Variants in KITLG observed in about 807,000 individuals in gnomAD.
The protein encoded by KITLG is c-Kit ligand.
Under a neutral mutation model 34.1 loss-of-function variants are expected in KITLG, and 13 were observed. The ratio of observed to expected loss-of-function variants is 0.38; its 90% CI spans 0.25 to 0.61. The LOEUF (loss-of-function observed/expected upper bound fraction) is 0.61, where lower values mean the gene tolerates loss of function less well. Among genes scored for constraint, KITLG ranks in the 20% least tolerant of loss-of-function variants. The pLI, the probability that KITLG is intolerant of heterozygous loss-of-function variation, is 0.60. For missense variants in KITLG, 292 were observed against 318.9 expected (o/e 0.92, Z 0.64); for synonymous variants, 110 against 104.0 (o/e 1.06, Z -0.35).
At chr12:88,566,647 G>A (rs1057066256) in intron 1 of KITLG, among the ~76,000 whole-genome samples, 3 of 152,158 alleles carry the variant, frequency 2.0e-5, no homozygotes, top group African/African-American at 4.8e-5. Context: ...GTTAGGTGAC[G>A]CTGGAATGAA....
chr12:88,567,381 C>G (rs976404511), intron 1 of KITLG, among the ~76,000 whole-genome samples: 2 of 152,176 alleles, frequency 1.3e-5, no homozygotes, highest in African/African-American at 4.8e-5. Context: ...TGTTTTCTCT[C>G]TTTCACAAGT....
chr12:88,514,259 C>T (rs980823180), intron 6 of KITLG, among the ~76,000 whole-genome samples: 1 of 151,268 alleles, frequency 6.6e-6, no homozygotes, highest in African/African-American at 2.4e-5. Context: ...TTTTCCACTT[C>T]GAAAAGCTAG....
intron 6 of KITLG, among the ~76,000 whole-genome samples, chr12:88,510,881 C>T (rs1264308178): frequency 6.6e-6 from 1 of 152,148 alleles, no homozygotes; most frequent in African/African-American, 2.4e-5. Flanking sequence ...TGTGCTACAC[C>T]TAAAAACATT....
At position 88,548,755 on chromosome 12, in the gene KITLG, G is replaced by A. The variant is rs3782177; in HGVS notation, c.16-2890C>T. ...TATGCTTGTAATAAAGCACACATCAGTGCCTGCTACCTAGTAACTTCAGCT... is the reference window on the plus strand; with the variant it reads ...TATGCTTGTAATAAAGCACACATCAATGCCTGCTACCTAGTAACTTCAGCT... On this transcript the variant is annotated intron_variant, in intron 1 of 9. Transcript: ENST00000644744. Among the ~76,000 whole-genome samples the A allele has an allele frequency of 1.7e-4, 26 of 152,282 alleles. No homozygotes were observed. In the East Asian group the frequency reaches 4.8e-3, roughly 28 times the overall value.
chr12:88,567,205 G>T (rs770051553), intron 1 of KITLG, among the ~76,000 whole-genome samples: 1 of 152,064 alleles, frequency 6.6e-6, no homozygotes, highest in Non-Finnish European at 1.5e-5. Flanking sequence ...TTGGTTCAAA[G>T]TGTTGTGTTA....
chr12:88,551,728 G>A (rs767881921), intron 1 of KITLG, among the ~76,000 whole-genome samples: 2 of 152,182 alleles, frequency 1.3e-5, no homozygotes, highest in Non-Finnish European at 2.9e-5. Context: ...CCATATGGGA[G>A]CTTACAGCAG....
intron 2 of KITLG, among the ~76,000 whole-genome samples, chr12:88,545,065 G>A (rs1328875288): frequency 1.3e-5 from 2 of 152,150 alleles, no homozygotes; most frequent in Non-Finnish European, 2.9e-5. Context: ...AGATCGTGAC[G>A]GTTGGGAAGG....
At chr12:88,523,585 T>C (rs897935160) in intron 3 of KITLG, among the ~76,000 whole-genome samples, 12 of 152,352 alleles carry the variant, frequency 7.9e-5, no homozygotes, top group African/African-American at 2.6e-4. Flanking sequence ...CTCTGAGGAA[T>C]TGTGACAATT....
chr12:88,505,130 A>T, intron 9 of KITLG, 29 bp downstream of exon 9: 1 of 1,219,548 alleles, frequency 8.2e-7, no homozygotes, highest in Non-Finnish European at 1.2e-6. Context: ...AAAAAAAAGA[A>T]AAAAAAAGGA....
chr12:88,578,934 G>A (rs1004116618), intron 1 of KITLG, among the ~76,000 whole-genome samples: 1 of 152,186 alleles, frequency 6.6e-6, no homozygotes, highest in African/African-American at 2.4e-5. Flanking sequence ...ACGCTGTGGT[G>A]ATTCCAGGTG....
At chr12:88,548,991 A>G (rs185655875) in intron 1 of KITLG, among the ~76,000 whole-genome samples, 4 of 152,332 alleles carry the variant, frequency 2.6e-5, no homozygotes, top group African/African-American at 7.2e-5. Context: ...TGTCTCATTA[A>G]GAAGACAAAA....
At chr12:88,528,700 G>T (rs1264239502) in intron 3 of KITLG, among the ~76,000 whole-genome samples, 1 of 152,120 alleles carries the variant, frequency 6.6e-6, no homozygotes, top group Non-Finnish European at 1.5e-5. Flanking sequence ...AAGAAGTTCA[G>T]AAACATAATA....
chr12:88,520,306 C>T (rs1869610839), intron 3 of KITLG, among the ~76,000 whole-genome samples: 1 of 152,222 alleles, frequency 6.6e-6, no homozygotes, highest in South Asian at 2.1e-4. Context: ...GTCAGTCTTT[C>T]CTTGGATGCT....
At position 88,495,253 on chromosome 12, in the gene KITLG, G is replaced by C. The variant is rs1245785334; in HGVS notation, c.*1966C>G. ...ATGCTCAAGCAAACTGAAACCATTG[G>C]TTAAATAAATCAAACTACTAGATTG... On this transcript the variant is annotated 3_prime_UTR_variant, in exon 10 of 10. Transcript: ENST00000644744. 6.6e-6 allele frequency: 1 copy of C among 151,954 alleles called. No individual in the cohort carries two copies. Among genetic ancestry groups the C allele is most frequent in the African/African-American group, 2.4e-5 (1 of 41,404 alleles). 9.4% of individuals were successfully genotyped at this position (151,954 alleles called of 1,614,324 possible).
At chr12:88,525,048 T>G (rs1231509806) in intron 3 of KITLG, among the ~76,000 whole-genome samples, 2 of 152,162 alleles carry the variant, frequency 1.3e-5, no homozygotes, top group Non-Finnish European at 2.9e-5. Context: ...AAAATTGGTA[T>G]TGATCATTAG....
intron 2 of KITLG, among the ~76,000 whole-genome samples, chr12:88,540,759 C>T (rs1870489862): frequency 6.6e-6 from 1 of 152,058 alleles, no homozygotes; most frequent in African/African-American, 2.4e-5. Flanking sequence ...AGCAATCTAT[C>T]TAGAGTTTTA....
intron 4 of KITLG, among the ~76,000 whole-genome samples, chr12:88,518,261 A>G (rs1364567071): frequency 6.6e-6 from 1 of 152,152 alleles, no homozygotes; most frequent in Non-Finnish European, 1.5e-5. Context: ...GGTGATGATC[A>G]GTTATCCAAT....
At chr12:88,511,678 A>T (rs1206995005) in intron 6 of KITLG, among the ~76,000 whole-genome samples, 7 of 152,334 alleles carry the variant, frequency 4.6e-5, no homozygotes, top group South Asian at 2.1e-4. Context: ...AATAAAAAAA[A>T]ATAACCAAAC....
At chr12:88,579,412 G>A (rs1160336635) in intron 1 of KITLG, among the ~76,000 whole-genome samples, 1 of 152,122 alleles carries the variant, frequency 6.6e-6, no homozygotes, top group Non-Finnish European at 1.5e-5. Flanking sequence ...ACTGTGGATA[G>A]GGGCACCGTG....
Sources: gnomAD v4.1 joint callset for allele counts (sites outside exome capture counted in the v4.1 genomes callset) on GRCh38, gnomAD v4.1.1 for gene constraint, MANE v1.5 for transcripts, NCBI Gene and HGNC (gene_info 2026-07-23, HGNC 2026-07-21) for gene names.